SHB: variants seen among roughly 807,000 people sequenced by gnomAD.
SHB encodes SH2 domain-containing adapter protein B.
A neutral mutation model predicts 52.3 loss-of-function variants in SHB; 20 were observed. The ratio of observed to expected loss-of-function variants is 0.38; its 90% CI spans 0.27 to 0.56. The LOEUF (loss-of-function observed/expected upper bound fraction) is 0.56, where lower values mean the gene tolerates loss of function less well. Among genes scored for constraint, SHB ranks in the 20% least tolerant of loss-of-function variants. The probability of loss-of-function intolerance (pLI) is 0.71; values close to 1 mark genes in which losing one functional copy is unlikely to be tolerated. For synonymous variants in SHB, 397 were observed against 316.5 expected (o/e 1.25, Z -2.70); for missense variants, 825 against 723.3 (o/e 1.14, Z -1.61).
intron 5 of SHB, among the ~76,000 whole-genome samples, chr9:37,943,564 G>A (rs139048940): frequency 1.7e-4 from 26 of 152,276 alleles, no homozygotes; most frequent in South Asian, 4.1e-4. Context: ...AGGTCCCTCC[G>A]TAAGGACTGT....
chr9:38,001,377 G>A (rs769122342), intron 2 of SHB, among the ~76,000 whole-genome samples: 5 of 152,202 alleles, frequency 3.3e-5, no homozygotes, highest in East Asian at 1.9e-4. Flanking sequence ...AGGCACCATC[G>A]TGTAATTAAG....
intron 2 of SHB, among the ~76,000 whole-genome samples, chr9:38,002,511 A>G (rs1821027932): frequency 6.6e-6 from 1 of 152,132 alleles, no homozygotes; most frequent in Admixed American, 6.5e-5. Flanking sequence ...GAAACACATA[A>G]GAAGGCATCC....
chr9:38,065,575 G>C (rs866228965), intron 1 of SHB, among the ~76,000 whole-genome samples: 1 of 152,236 alleles, frequency 6.6e-6, no homozygotes, highest in African/African-American at 2.4e-5. Context: ...TTTGAGGATC[G>C]CTGCACTATA....
chr9:37,922,241 A>G (rs543755195), intron 5 of SHB, among the ~76,000 whole-genome samples: 1 of 152,296 alleles, frequency 6.6e-6, no homozygotes, highest in East Asian at 1.9e-4. Context: ...TTTCATTTTC[A>G]AGGTTAGGAG....
At chr9:38,030,610 C>G (rs950974174) in intron 1 of SHB, among the ~76,000 whole-genome samples, 1 of 152,212 alleles carries the variant, frequency 6.6e-6, no homozygotes, top group Non-Finnish European at 1.5e-5. Context: ...AGGTGAGTGG[C>G]CTGTGCAGTC....
chr9:38,066,022 C>G (rs1419649630), intron 1 of SHB, among the ~76,000 whole-genome samples: 1 of 152,204 alleles, frequency 6.6e-6, no homozygotes, highest in Non-Finnish European at 1.5e-5. Flanking sequence ...CATCATAGCA[C>G]TCATCACCAT....
At position 38,003,164 on chromosome 9, in the gene SHB, G is replaced by A. The variant is rs77988783; in HGVS notation, c.838+12847C>T. ...GACAGCTCACTTTGCATGGCAGCCT[G>A]GGCTGTGCTGGGGATGAGAGTGAGA... is the stretch of plus-strand genomic sequence containing the variant. On this transcript the variant is annotated intron_variant, in intron 2 of 5. Coordinates refer to ENST00000377707, the MANE Select transcript of SHB (RefSeq NM_003028.3). Among the ~76,000 whole-genome samples, 575 of 152,222 alleles carry A rather than the reference G, an allele frequency of 3.8e-3. 4 individuals are homozygous for A. The highest frequency in any genetic ancestry group is 0.013 in the African/African-American group (551 of 41,544).
chr9:38,026,847 C>A (rs1037747115), intron 1 of SHB, among the ~76,000 whole-genome samples: 9 of 152,158 alleles, frequency 5.9e-5, no homozygotes, highest in African/African-American at 2.2e-4. Flanking sequence ...CTGTTCAGTC[C>A]GATCACCTCG....
chr9:37,917,058 CA>C lies in SHB; in HGVS notation c.*2762del, dbSNP rs991329729. ...AGATGAAAAAAAAAAAAAACAAACC[CA>C]AAACAAAAACCAAACCAAAGCCAGT... is the stretch of plus-strand genomic sequence containing the variant. On this transcript the variant is annotated 3_prime_UTR_variant, in exon 6 of 6. Coordinates refer to ENST00000377707, the MANE Select transcript of SHB (RefSeq NM_003028.3). 1.9e-3 allele frequency among the ~76,000 whole-genome samples: 282 copies of C among 150,874 alleles called. 1 individual carries two copies. The highest frequency in any genetic ancestry group is 6.3e-3 in the African/African-American group (259 of 41,134).
rs1822012066 is a variant in SHB, at chr9:38,068,665, C to A, written c.-20G>T. On this transcript the variant is annotated 5_prime_UTR_variant, in exon 1 of 6. Coordinates refer to ENST00000377707, the MANE Select transcript of SHB (RefSeq NM_003028.3). The stretch of plus-strand genomic sequence containing the variant: ...GGCCATGGCGAGAGGCCGCCTAGGG[C>A]CGCGGCGCGGGAGCCCGGTCCGCCG... The A allele has an allele frequency of 1.9e-5, 25 of 1,323,634 alleles. No individual in the cohort carries two copies. The highest frequency in any genetic ancestry group is 2.0e-5 in the Non-Finnish European group (21 of 1,043,688). The allele number at this position is 1,323,634 out of a possible 1,614,324, so 82.0% of individuals were successfully genotyped here. A position where few individuals can be genotyped will look rare whatever the true frequency, so the allele number is the denominator to read the frequency against.
Position 37,948,886 on chromosome 9 carries a change from T to C in SHB, c.1227-132A>G, listed in dbSNP as rs531289649. The C allele has an allele frequency of 4.1e-5, 48 of 1,177,070 alleles. No individual in the cohort carries two copies. In the African/African-American group the frequency reaches 6.3e-4, roughly 16 times the overall value. The allele number at this position is 1,177,070 out of a possible 1,614,324, so 72.9% of individuals were successfully genotyped here. The stretch of plus-strand genomic sequence containing the variant: ...GGCATGCACTGGTTCATTCCATGGG[T>C]ACCCACTGCCCGCCTGCTGCTGCCG... On this transcript the variant is annotated intron_variant, in intron 4 of 5. Coordinates refer to ENST00000377707, the MANE Select transcript of SHB (RefSeq NM_003028.3).
chr9:37,930,470 C>T (rs1304020245), intron 5 of SHB, among the ~76,000 whole-genome samples: 5 of 152,066 alleles, frequency 3.3e-5, no homozygotes, highest in African/African-American at 9.7e-5. Flanking sequence ...CAGCAATGCC[C>T]CCTGCTCCTC....
chr9:38,032,069 G>A (rs1821423071), intron 1 of SHB, among the ~76,000 whole-genome samples: 1 of 152,090 alleles, frequency 6.6e-6, no homozygotes, highest in African/African-American at 2.4e-5. Flanking sequence ...CCAGTGCCAG[G>A]GCCCGAGAAC....
At chr9:38,056,104 G>C (rs1346683348) in intron 1 of SHB, among the ~76,000 whole-genome samples, 1 of 152,118 alleles carries the variant, frequency 6.6e-6, no homozygotes, top group East Asian at 1.9e-4. Context: ...AATCACTGAT[G>C]AGACCTAAAC....
intron 2 of SHB, among the ~76,000 whole-genome samples, chr9:38,005,668 T>A (rs949120866): frequency 2.0e-5 from 3 of 152,200 alleles, no homozygotes; most frequent in Non-Finnish European, 4.4e-5. Flanking sequence ...AGGTACCCTT[T>A]AAACACAGAC....
intron 5 of SHB, among the ~76,000 whole-genome samples, chr9:37,924,163 C>T (rs1832217383): frequency 6.6e-6 from 1 of 152,176 alleles, no homozygotes; most frequent in Non-Finnish European, 1.5e-5. Context: ...TGGCAGAGGC[C>T]GGGGTGCTGG....
At chr9:37,942,470 G>T (rs1310039152) in intron 5 of SHB, among the ~76,000 whole-genome samples, 2 of 152,212 alleles carry the variant, frequency 1.3e-5, no homozygotes, top group African/African-American at 4.8e-5. Context: ...CCAGATACCT[G>T]CCCAAGTCAC....
chr9:37,980,188 C>A (rs924175792), intron 2 of SHB, among the ~76,000 whole-genome samples: 1 of 152,198 alleles, frequency 6.6e-6, no homozygotes, highest in Non-Finnish European at 1.5e-5. Flanking sequence ...TTTCTCTTAG[C>A]GAAAGGCTGT....
chr9:38,068,203 GCCC>G lies in SHB; in HGVS notation c.440_442del (p.Gly147del). ...GGAGGACGAGGACGAGGACGCGGCG[GCCC>G]CCGCGCCCGAGGAGGCGCAGCAACA... On this transcript the variant is annotated inframe_deletion, in exon 1 of 6. Coordinates refer to ENST00000377707, the MANE Select transcript of SHB (RefSeq NM_003028.3). The G allele has an allele frequency of 7.2e-7, 1 of 1,397,926 alleles. No individual in the cohort carries two copies. The highest frequency in any genetic ancestry group is 9.2e-7 in the Non-Finnish European group (1 of 1,089,094). 86.6% of individuals were successfully genotyped at this position (1,397,926 alleles called of 1,614,324 possible).
Sources: allele counts gnomAD v4.1 joint callset (sites outside exome capture counted in the v4.1 genomes callset), GRCh38; gene constraint gnomAD v4.1.1; transcripts MANE v1.5; gene names NCBI Gene and HGNC (gene_info 2026-07-23, HGNC 2026-07-21).